The following ATRNL1 variants were observed in gnomAD, a reference collection of about 807,000 sequenced individuals.
ATRNL1 encodes the protein attractin-like protein 1.
Under a neutral mutation model 182.7 loss-of-function variants are expected in ATRNL1, and 95 were observed. The ratio of observed to expected loss-of-function variants is 0.52; its 90% CI spans 0.44 to 0.62. The LOEUF is 0.62. ATRNL1 is among the 20% of genes least tolerant of loss of function. The pLI is 0.00. For missense variants in ATRNL1, 1,471 were observed against 1,679.5 expected (o/e 0.88, Z 2.17); for synonymous variants, 576 against 568.3 (o/e 1.01, Z -0.19).
At chr10:115,919,252 G>A (rs1385779877) in intron 28 of ATRNL1, among the ~76,000 whole-genome samples, 4 of 152,180 alleles carry the variant, frequency 2.6e-5, no homozygotes, top group Non-Finnish European at 4.4e-5. Flanking sequence ...GGGCACACAA[G>A]TAAGTAAGTT....
chr10:115,747,475 C>T (rs530657182), intron 27 of ATRNL1, among the ~76,000 whole-genome samples: 38 of 152,212 alleles, frequency 2.5e-4, no homozygotes, highest in Non-Finnish European at 4.9e-4. Flanking sequence ...CTTGAAAGAT[C>T]ACCAAATGCT....
chr10:115,396,667 T>C (rs1264732056), intron 20 of ATRNL1, among the ~76,000 whole-genome samples: 2 of 151,964 alleles, frequency 1.3e-5, no homozygotes, highest in Non-Finnish European at 2.9e-5. Context: ...AAAAATAATA[T>C]ATGAGATTCT....
intron 26 of ATRNL1, among the ~76,000 whole-genome samples, chr10:115,639,955 A>G (rs1859131374): frequency 6.6e-6 from 1 of 152,018 alleles, no homozygotes; most frequent in Non-Finnish European, 1.5e-5. Context: ...ATTTGTCCTA[A>G]TGCTCTCCCT....
At chr10:115,678,234 A>C (rs1212334154) in intron 26 of ATRNL1, among the ~76,000 whole-genome samples, 1 of 152,144 alleles carries the variant, frequency 6.6e-6, no homozygotes, top group African/African-American at 2.4e-5. Flanking sequence ...AGGCACATCA[A>C]GCTAAAACAT....
rs1425275411 is a variant in ATRNL1 at position 115,194,800 on chromosome 10, T to G, written c.1349-20897T>G. 6.6e-5 allele frequency among the ~76,000 whole-genome samples: 10 copies of G among 151,940 alleles called. No homozygotes were observed. The South Asian group carries it at 1.0e-3, about 16-fold the overall frequency. ...TGAATTCCTTTGTATAAAAGTGATT[T>G]TTTTTTCTGGTAGTATATTTTAATT... On this transcript the variant is annotated intron_variant, in intron 8 of 28. Coordinates refer to ENST00000355044, the MANE Select transcript of ATRNL1 (RefSeq NM_207303.4).
intron 27 of ATRNL1, among the ~76,000 whole-genome samples, chr10:115,766,191 C>G (rs2907590): frequency 0.95 from 144,697 of 152,256 alleles, 69,169 homozygotes; most frequent in East Asian, 1. Flanking sequence ...AGTATATCTA[C>G]AGGAAAAAAT....
In ATRNL1 at chr10:115,894,804, G is replaced by A. The variant is rs115983119; in HGVS notation, c.4018+46813G>A. 5.2e-3 allele frequency among the ~76,000 whole-genome samples: 787 copies of A among 152,088 alleles called. 8 individuals carry two copies. The highest frequency in any genetic ancestry group is 0.018 in the African/African-American group (756 of 41,484). On this transcript the variant is annotated intron_variant, in intron 28 of 28. Transcript: ENST00000355044. ...GGCAACCATAATGGCTTTTGCTTCC[G>A]GCAGACTGAAGTAACATGTGGGGTC... is the stretch of plus-strand genomic sequence containing the variant.
chr10:115,912,704 T>A (rs908312868), intron 28 of ATRNL1, among the ~76,000 whole-genome samples: 4 of 152,080 alleles, frequency 2.6e-5, no homozygotes, highest in African/African-American at 9.7e-5. Flanking sequence ...AAAAATTCCA[T>A]GAATTATCAC....
At chr10:115,293,927 T>G (rs534966025) in intron 15 of ATRNL1, among the ~76,000 whole-genome samples, 1 of 152,216 alleles carries the variant, frequency 6.6e-6, no homozygotes, top group Non-Finnish European at 1.5e-5. Context: ...GAGTATTGTG[T>G]GCATTGTAGA....
intron 27 of ATRNL1, among the ~76,000 whole-genome samples, chr10:115,840,379 A>G (rs1950777353): frequency 1.3e-5 from 2 of 152,190 alleles, no homozygotes. Flanking sequence ...TTCATACGGA[A>G]CAAAGAGCAA....
At chr10:115,599,466 G>T (rs550540234) in intron 26 of ATRNL1, among the ~76,000 whole-genome samples, 1 of 152,168 alleles carries the variant, frequency 6.6e-6, no homozygotes, top group East Asian at 1.9e-4. Flanking sequence ...CTTGAGTCAA[G>T]ATTTAATAAA....
intron 27 of ATRNL1, among the ~76,000 whole-genome samples, chr10:115,741,096 G>A (rs1555067540): frequency 2.0e-5 from 3 of 152,064 alleles, no homozygotes; most frequent in Non-Finnish European, 4.4e-5. Context: ...AAGCAATACA[G>A]GAGGTAGATA....
intron 13 of ATRNL1, among the ~76,000 whole-genome samples, chr10:115,274,845 C>T (rs1852033191): frequency 6.6e-6 from 1 of 152,138 alleles, no homozygotes; most frequent in Non-Finnish European, 1.5e-5. Flanking sequence ...GTGTTAATTG[C>T]CCAAGCAATG....
intron 27 of ATRNL1, among the ~76,000 whole-genome samples, chr10:115,783,497 C>T (rs1949319242): frequency 6.6e-6 from 1 of 152,062 alleles, no homozygotes; most frequent in Non-Finnish European, 1.5e-5. Context: ...AACAATAATG[C>T]TTAAGAGCTT....
chr10:115,843,438 G>A (rs1260602289), intron 27 of ATRNL1, among the ~76,000 whole-genome samples: 5 of 151,928 alleles, frequency 3.3e-5, no homozygotes, highest in African/African-American at 1.2e-4. Flanking sequence ...AACTAAAGAG[G>A]GAGAAACTAA....
At chr10:115,717,687 G>A (rs999665295) in intron 26 of ATRNL1, among the ~76,000 whole-genome samples, 18 of 151,570 alleles carry the variant, frequency 1.2e-4, no homozygotes, top group South Asian at 4.2e-4. Flanking sequence ...GAGTAGCTGG[G>A]ACTACAGGCG....
chr10:115,143,691 G>A (rs1554878615), intron 5 of ATRNL1, among the ~76,000 whole-genome samples: 1 of 152,096 alleles, frequency 6.6e-6, no homozygotes, highest in Admixed American at 6.5e-5. Flanking sequence ...ACAGAGAGAA[G>A]GAGAGGAGGA....
intron 19 of ATRNL1, among the ~76,000 whole-genome samples, chr10:115,368,929 G>T (rs528138989): frequency 6.6e-6 from 1 of 151,914 alleles, no homozygotes; most frequent in Non-Finnish European, 1.5e-5. Flanking sequence ...GGTAAAGCTG[G>T]TCTTGAACTC....
intron 26 of ATRNL1, among the ~76,000 whole-genome samples, chr10:115,630,291 G>T (rs1858398683): frequency 6.6e-6 from 1 of 152,074 alleles, no homozygotes; most frequent in Non-Finnish European, 1.5e-5. Context: ...TCAGGGAAAT[G>T]AAAATTAAAA....
Sources: gnomAD v4.1 joint callset for allele counts (sites outside exome capture counted in the v4.1 genomes callset) on GRCh38, gnomAD v4.1.1 for gene constraint, MANE v1.5 for transcripts, NCBI Gene and HGNC (gene_info 2026-07-23, HGNC 2026-07-21) for gene names.